SSBP2: variants seen among roughly 807,000 people sequenced by gnomAD.
The protein encoded by SSBP2 is single-stranded DNA-binding protein 2.
SSBP2 carries 17 observed loss-of-function variants against 61.8 expected under a neutral mutation model. The observed-to-expected ratio is 0.28, with a 90% CI of 0.19 to 0.41. The LOEUF is 0.41. SSBP2 is among the 10% of genes least tolerant of loss of function. The pLI, the probability that SSBP2 is intolerant of heterozygous loss-of-function variation, is 1.00. For missense variants in SSBP2, 310 were observed against 458.7 expected, an observed-to-expected ratio of 0.68 and a Z score of 2.96; for synonymous variants, 139 against 141.3, an observed-to-expected ratio of 0.98 and a Z score of 0.12.
intron 15 of SSBP2, among the ~76,000 whole-genome samples, chr5:81,433,128 C>T (rs1049776469): frequency 1.3e-5 from 2 of 151,930 alleles, no homozygotes; most frequent in Non-Finnish European, 2.9e-5. Context: ...TCATTGAGAA[C>T]GGGCCATGAT....
chr5:81,436,128 C>A (rs954466670), intron 15 of SSBP2, among the ~76,000 whole-genome samples: 31 of 138,606 alleles, frequency 2.2e-4, no homozygotes, highest in Non-Finnish European at 4.4e-4. Flanking sequence ...GGGGAGGTTG[C>A]AGTGGGCCGA....
chr5:81,593,842 C>G (rs962482776), intron 4 of SSBP2, among the ~76,000 whole-genome samples: 1 of 152,158 alleles, frequency 6.6e-6, no homozygotes, highest in African/African-American at 2.4e-5. Context: ...CTAAAGGAAG[C>G]ACTAAACATG....
intron 4 of SSBP2, among the ~76,000 whole-genome samples, chr5:81,521,345 G>C (rs1042712544): frequency 6.6e-6 from 1 of 151,534 alleles, no homozygotes; most frequent in Admixed American, 6.6e-5. Flanking sequence ...CTTCAATTTT[G>C]TAACCATACT....
At chr5:81,729,013 G>T (rs1756079440) in intron 1 of SSBP2, among the ~76,000 whole-genome samples, 1 of 152,120 alleles carries the variant, frequency 6.6e-6, no homozygotes, top group African/African-American at 2.4e-5. Flanking sequence ...CATAAAAAAT[G>T]ATAGGTAAGA....
chr5:81,707,120 T>C (rs1006905474), intron 1 of SSBP2, among the ~76,000 whole-genome samples: 3 of 152,174 alleles, frequency 2.0e-5, no homozygotes, highest in Non-Finnish European at 4.4e-5. Context: ...TAATTTCCTC[T>C]GAGAGGTAAC....
At chr5:81,437,307 C>T in intron 15 of SSBP2, 123 bp downstream of exon 15, 7 of 839,140 alleles carry the variant, frequency 8.3e-6, no homozygotes, top group East Asian at 5.2e-5. Context: ...TTAATTATAC[C>T]TGGTCTTCTA....
chr5:81,629,677 C>T (rs1264145074), intron 3 of SSBP2, among the ~76,000 whole-genome samples: 1 of 152,110 alleles, frequency 6.6e-6, no homozygotes, highest in Non-Finnish European at 1.5e-5. Flanking sequence ...GTACATATTT[C>T]TTTTTTAAGT....
intron 3 of SSBP2, among the ~76,000 whole-genome samples, chr5:81,617,593 TAC>T (rs1375948907): frequency 9.6e-5 from 1 of 10,404 alleles, no homozygotes; most frequent in Non-Finnish European, 1.9e-4. Flanking sequence ...ATTCAGGAAA[TAC>T]AGAGAACGCC....
intron 4 of SSBP2, among the ~76,000 whole-genome samples, chr5:81,604,796 A>T (rs1744717731): frequency 6.6e-6 from 1 of 152,170 alleles, no homozygotes; most frequent in Non-Finnish European, 1.5e-5. Flanking sequence ...AAAGACCTTA[A>T]ATTAAGTGTT....
intron 4 of SSBP2, among the ~76,000 whole-genome samples, chr5:81,515,886 C>T (rs577649832): frequency 1.3e-5 from 2 of 151,478 alleles, no homozygotes; most frequent in African/African-American, 4.8e-5. Flanking sequence ...TCATCTTATG[C>T]TTTAAATTTA....
At chr5:81,510,555 G>A (rs1768517869) in intron 5 of SSBP2, among the ~76,000 whole-genome samples, 1 of 152,118 alleles carries the variant, frequency 6.6e-6, no homozygotes, top group Non-Finnish European at 1.5e-5. Context: ...GAAGTCAGGA[G>A]TTCAAGACCA....
chr5:81,518,053 G>A (rs1395974791), intron 4 of SSBP2, among the ~76,000 whole-genome samples: 1 of 152,064 alleles, frequency 6.6e-6, no homozygotes, highest in Non-Finnish European at 1.5e-5. Flanking sequence ...TATTTACTAA[G>A]AATGCTAGAG....
chr5:81,468,120 T>C (rs763375431), intron 8 of SSBP2, among the ~76,000 whole-genome samples: 3 of 152,030 alleles, frequency 2.0e-5, no homozygotes, highest in Non-Finnish European at 2.9e-5. Flanking sequence ...GACTGAGTTC[T>C]TTGTACTGCT....
At position 81,751,055 on chromosome 5, in the gene SSBP2, A is replaced by T. The variant is rs769569292; in HGVS notation, c.-13T>A. 1.3e-6 allele frequency: 2 copies of T among 1,585,010 alleles called. No homozygotes were observed. The highest frequency in any genetic ancestry group is 1.7e-6 in the Non-Finnish European group (2 of 1,165,788). On this transcript the variant is annotated 5_prime_UTR_variant, in exon 1 of 17. Coordinates refer to ENST00000320672, the MANE Select transcript of SSBP2 (RefSeq NM_012446.5). Reference sequence around the variant, plus strand: ...CTTTGCCGTACATGCTTGTGCCGAGAGCAGCTCCCACTGTCACGCACCTGT... The same window carrying T: ...CTTTGCCGTACATGCTTGTGCCGAGTGCAGCTCCCACTGTCACGCACCTGT...
At chr5:81,707,822 G>T (rs1301782021) in intron 1 of SSBP2, among the ~76,000 whole-genome samples, 1 of 152,148 alleles carries the variant, frequency 6.6e-6, no homozygotes, top group African/African-American at 2.4e-5. Flanking sequence ...TCAGGTTGTT[G>T]TGAGGATAGA....
chr5:81,475,764 T>G (rs1178514179), intron 6 of SSBP2, among the ~76,000 whole-genome samples: 2 of 152,142 alleles, frequency 1.3e-5, no homozygotes, highest in African/African-American at 4.8e-5. Flanking sequence ...AGATCTCAGT[T>G]TAGGGATCAC....
chr5:81,521,797 G>A (rs1769506983), intron 4 of SSBP2, among the ~76,000 whole-genome samples: 1 of 151,834 alleles, frequency 6.6e-6, no homozygotes, highest in African/African-American at 2.4e-5. Context: ...TAGTTAATAG[G>A]TGTAAAGCAA....
At chr5:81,422,267 C>T (rs993749307) in intron 16 of SSBP2, among the ~76,000 whole-genome samples, 5 of 151,888 alleles carry the variant, frequency 3.3e-5, no homozygotes, top group African/African-American at 7.3e-5. Context: ...AAGCTGAGAC[C>T]GGCTGCAGAA....
chr5:81,745,376 T>C (rs1022307287), intron 1 of SSBP2, among the ~76,000 whole-genome samples: 18 of 152,132 alleles, frequency 1.2e-4, no homozygotes, highest in African/African-American at 4.3e-4. Context: ...CATGAATACA[T>C]GCTACATTTG....
Sources: allele counts gnomAD v4.1 joint callset (sites outside exome capture counted in the v4.1 genomes callset), GRCh38; gene constraint gnomAD v4.1.1; transcripts MANE v1.5; gene names NCBI Gene and HGNC (gene_info 2026-07-23, HGNC 2026-07-21).